The following MCU variants were observed in gnomAD, a reference collection of about 807,000 sequenced individuals.
The protein encoded by MCU is mitochondrial calcium uniporter.
A neutral mutation model predicts 45.2 loss-of-function variants in MCU; 12 were observed. That is an observed-to-expected ratio of 0.27 (90% CI 0.17 to 0.43). MCU has a LOEUF of 0.43. Ranked by LOEUF, MCU falls within the 20% of genes least tolerant of loss-of-function variation. The pLI is 1.00. For missense variants in MCU, 324 were observed against 436.7 expected (o/e 0.74, Z 2.30); for synonymous variants, 160 against 165.1 (o/e 0.97, Z 0.24).
intron 1 of MCU, among the ~76,000 whole-genome samples, chr10:72,762,329 A>G (rs1029363164): frequency 6.6e-6 from 1 of 152,216 alleles, no homozygotes; most frequent in Non-Finnish European, 1.5e-5. Context: ...AACTATTCCA[A>G]AAGACTGAGA....
intron 1 of MCU, among the ~76,000 whole-genome samples, chr10:72,723,144 C>T (rs993411740): frequency 6.6e-6 from 1 of 151,814 alleles, no homozygotes; most frequent in Non-Finnish European, 1.5e-5. Context: ...TGCAGTGAGC[C>T]GAGATTGGGC....
chr10:72,827,165 C>T (rs952733017), intron 1 of MCU, among the ~76,000 whole-genome samples: 1 of 152,126 alleles, frequency 6.6e-6, no homozygotes, highest in African/African-American at 2.4e-5. Flanking sequence ...GACTTTATTC[C>T]CTTACATCTA....
At chr10:72,787,006 G>C (rs1844082315) in intron 1 of MCU, among the ~76,000 whole-genome samples, 2 of 151,888 alleles carry the variant, frequency 1.3e-5, no homozygotes, top group Admixed American at 1.3e-4. Flanking sequence ...GAGAGAGAGG[G>C]GTTTTTCAAG....
intron 1 of MCU, among the ~76,000 whole-genome samples, chr10:72,799,804 T>G (rs1326924753): frequency 6.6e-6 from 1 of 152,234 alleles, no homozygotes; most frequent in Non-Finnish European, 1.5e-5. Context: ...CCATTTGTAT[T>G]TCTTATTTTA....
chr10:72,725,248 C>A (rs1843081559), intron 1 of MCU, among the ~76,000 whole-genome samples: 1 of 152,132 alleles, frequency 6.6e-6, no homozygotes, highest in Non-Finnish European at 1.5e-5. Context: ...GCCTCAGCCT[C>A]CCGAGAAGCT....
intron 1 of MCU, among the ~76,000 whole-genome samples, chr10:72,708,954 G>A (rs1226858760): frequency 6.6e-6 from 1 of 151,926 alleles, no homozygotes; most frequent in Non-Finnish European, 1.5e-5. Context: ...GCTGCAGTAA[G>A]CTTTGATTGT....
chr10:72,795,356 TC>T lies in MCU; in HGVS notation c.151-39001del, dbSNP rs562456261. 4.9e-3 allele frequency among the ~76,000 whole-genome samples: 752 copies of T among 152,318 alleles called. 7 individuals carry two copies. Among genetic ancestry groups the T allele is most frequent in the African/African-American group, 0.017 (718 of 41,574 alleles). ...GTTTTTGATATGGCATCATCCCACTTCCAGTAATATTGACTCTGGGTTATCA... is the reference window on the plus strand; with the variant it reads ...GTTTTTGATATGGCATCATCCCACTTCAGTAATATTGACTCTGGGTTATCA... On this transcript the variant is annotated intron_variant, in intron 1 of 7. Coordinates refer to ENST00000373053, the MANE Select transcript of MCU (RefSeq NM_138357.3).
chr10:72,828,866 T>C (rs972486818), intron 1 of MCU, among the ~76,000 whole-genome samples: 1 of 152,200 alleles, frequency 6.6e-6, no homozygotes, highest in Non-Finnish European at 1.5e-5. Flanking sequence ...ATTATAATAC[T>C]GTGGCAGACG....
At chr10:72,837,355 C>T (rs949043445) in intron 2 of MCU, among the ~76,000 whole-genome samples, 19 of 152,144 alleles carry the variant, frequency 1.2e-4, no homozygotes, top group Admixed American at 1.2e-3. Context: ...TACTCATACT[C>T]ACACCCATGT....
chr10:72,850,340 A>ATTT (rs1845189522), intron 2 of MCU, among the ~76,000 whole-genome samples: 1 of 152,218 alleles, frequency 6.6e-6, no homozygotes, highest in East Asian at 1.9e-4. Flanking sequence ...TGTTAAGATC[A>ATTT]TAAGCCCCTG....
At chr10:72,732,632 ACTGCC>A (rs1843191768) in intron 1 of MCU, among the ~76,000 whole-genome samples, 1 of 152,234 alleles carries the variant, frequency 6.6e-6, no homozygotes, top group African/African-American at 2.4e-5. Context: ...GTGTCAAACA[ACTGCC>A]CTTGGTTTCT....
chr10:72,802,370 C>G (rs1844356103), intron 1 of MCU, among the ~76,000 whole-genome samples: 1 of 147,514 alleles, frequency 6.8e-6, no homozygotes, highest in African/African-American at 2.5e-5. Flanking sequence ...TAATATTGTA[C>G]TTAATTGAAA....
chr10:72,774,940 A>G (rs758367006), intron 1 of MCU, among the ~76,000 whole-genome samples: 2 of 152,260 alleles, frequency 1.3e-5, no homozygotes, highest in African/African-American at 2.4e-5. Flanking sequence ...ACAGACTACA[A>G]TACAACTATA....
At chr10:72,731,837 T>C (rs1407576306) in intron 1 of MCU, among the ~76,000 whole-genome samples, 2 of 152,260 alleles carry the variant, frequency 1.3e-5, no homozygotes, top group African/African-American at 2.4e-5. Context: ...TAAACATTTA[T>C]CCATTCATCA....
At chr10:72,747,022 A>G (rs773183984) in intron 1 of MCU, among the ~76,000 whole-genome samples, 3 of 152,258 alleles carry the variant, frequency 2.0e-5, no homozygotes, top group African/African-American at 4.8e-5. Flanking sequence ...CCAGCTAAAA[A>G]TATAAACTAA....
chr10:72,746,102 C>T (rs1437418194), intron 1 of MCU, among the ~76,000 whole-genome samples: 1 of 152,144 alleles, frequency 6.6e-6, no homozygotes, highest in Non-Finnish European at 1.5e-5. Context: ...CTCCTCTTCT[C>T]ATTTATTCAC....
chr10:72,771,639 G>A (rs1843810148), intron 1 of MCU, among the ~76,000 whole-genome samples: 1 of 152,090 alleles, frequency 6.6e-6, no homozygotes. Flanking sequence ...TGCCTTGGAA[G>A]CTTCATTTTT....
At chr10:72,761,213 C>A (rs1288483967) in intron 1 of MCU, among the ~76,000 whole-genome samples, 3 of 152,074 alleles carry the variant, frequency 2.0e-5, no homozygotes, top group Non-Finnish European at 2.9e-5. Flanking sequence ...ATTTTTAAAC[C>A]TGTGTAAATG....
At chr10:72,800,854 G>A (rs1159490525) in intron 1 of MCU, among the ~76,000 whole-genome samples, 1 of 152,092 alleles carries the variant, frequency 6.6e-6, no homozygotes, top group East Asian at 1.9e-4. Context: ...CTAGCACGGT[G>A]GCTCACACCT....
Sources: allele counts gnomAD v4.1 joint callset (sites outside exome capture counted in the v4.1 genomes callset), GRCh38; gene constraint gnomAD v4.1.1; transcripts MANE v1.5; gene names NCBI Gene and HGNC (gene_info 2026-07-23, HGNC 2026-07-21).